The following WDPCP variants were observed in gnomAD, a reference collection of about 807,000 sequenced individuals.
WDPCP encodes the protein WD repeat containing planar cell polarity effector.
WDPCP carries 71 observed loss-of-function variants against 93.1 expected under a neutral mutation model. The ratio of observed to expected loss-of-function variants is 0.76; its 90% CI spans 0.63 to 0.93. WDPCP has a LOEUF of 0.93. WDPCP is among the 40% of genes least tolerant of loss of function. The pLI is 0.00. For missense variants in WDPCP, 844 were observed against 887.4 expected (o/e 0.95, Z 0.62); for synonymous variants, 315 against 315.0 (o/e 1.00, Z 0.00).
chr2:63,217,003 A>G (rs185815217), intron 14 of WDPCP, among the ~76,000 whole-genome samples: 7 of 152,170 alleles, frequency 4.6e-5, no homozygotes, highest in Non-Finnish European at 8.8e-5. Flanking sequence ...AACAAAATTT[A>G]AAAAAATACC....
upstream of WDPCP, chr2:63,593,566 T>G: frequency 2.1e-6 from 1 of 471,454 alleles, no homozygotes; most frequent in Non-Finnish European, 4.4e-6. Flanking sequence ...GAAGGAACTT[T>G]AAGTAAAAAG....
intron 2 of WDPCP, among the ~76,000 whole-genome samples, chr2:63,709,089 CG>C (rs1669220542): frequency 1.2e-5 from 1 of 84,276 alleles, no homozygotes; most frequent in African/African-American, 4.3e-5. Context: ...AAAAATGACC[CG>C]GGCTTGGTGA....
chr2:63,294,960 ATAGAG>A (rs980460980), intron 13 of WDPCP, among the ~76,000 whole-genome samples: 1 of 152,198 alleles, frequency 6.6e-6, no homozygotes, highest in Non-Finnish European at 1.5e-5. Context: ...AGTTTATGTT[ATAGAG>A]TAAACAACTT....
chr2:63,295,635 C>T (rs1485235865), intron 13 of WDPCP, among the ~76,000 whole-genome samples: 2 of 151,816 alleles, frequency 1.3e-5, no homozygotes, highest in Non-Finnish European at 2.9e-5. Flanking sequence ...TTACTATGAA[C>T]ATATATACAC....
chr2:63,387,006 C>A (rs1692788398), intron 10 of WDPCP, among the ~76,000 whole-genome samples: 1 of 151,908 alleles, frequency 6.6e-6, no homozygotes, highest in South Asian at 2.1e-4. Context: ...AAAAGCCTAC[C>A]ATCAGAAAAA....
intron 14 of WDPCP, among the ~76,000 whole-genome samples, chr2:63,198,366 T>C (rs576246512): frequency 6.6e-6 from 1 of 152,262 alleles, no homozygotes; most frequent in Admixed American, 6.5e-5. Context: ...ACTATTCTTT[T>C]GCAGGATATT....
chr2:63,647,338 T>C (rs1382350195), intron 3 of WDPCP, among the ~76,000 whole-genome samples: 1 of 152,006 alleles, frequency 6.6e-6, no homozygotes, highest in African/African-American at 2.4e-5. Context: ...GGGTTCATCA[T>C]TTGGCCAGGT....
intron 9 of WDPCP, among the ~76,000 whole-genome samples, chr2:63,427,310 C>A (rs1176243323): frequency 6.6e-6 from 1 of 152,148 alleles, no homozygotes; most frequent in Non-Finnish European, 1.5e-5. Flanking sequence ...ACAAGGGACA[C>A]ACTGAAAAAC....
chr2:63,462,437 A>G (rs1169928047), intron 6 of WDPCP, among the ~76,000 whole-genome samples: 1 of 152,214 alleles, frequency 6.6e-6, no homozygotes, highest in Non-Finnish European at 1.5e-5. Flanking sequence ...AACATGGCAC[A>G]TGTAATACAT....
At chr2:63,259,502 C>T in intron 13 of WDPCP, 93 bp from the exon 14 acceptor site, 6 of 999,954 alleles carry the variant, frequency 6.0e-6, no homozygotes, top group Non-Finnish European at 9.3e-6. Flanking sequence ...GTCCAGATTA[C>T]AAAATAGAAA....
intron 2 of WDPCP, among the ~76,000 whole-genome samples, chr2:63,696,299 A>G (rs919709485): frequency 4.6e-5 from 3 of 64,888 alleles, no homozygotes; most frequent in Non-Finnish European, 9.8e-5. Flanking sequence ...ATCCGTTGCT[A>G]ATACCCCAGC....
chr2:63,146,111 A>G (rs1195367633), intron 17 of WDPCP, among the ~76,000 whole-genome samples: 1 of 152,096 alleles, frequency 6.6e-6, no homozygotes, highest in East Asian at 1.9e-4. Flanking sequence ...CTGGGCTGAG[A>G]TTATGGGGTT....
At chr2:63,163,906 G>A (rs1281981445) in intron 15 of WDPCP, among the ~76,000 whole-genome samples, 1 of 152,116 alleles carries the variant, frequency 6.6e-6, no homozygotes, top group Admixed American at 6.5e-5. Flanking sequence ...GCTTAGACAT[G>A]AATCAAATAA....
intron 15 of WDPCP, among the ~76,000 whole-genome samples, chr2:63,163,574 T>C (rs1672774154): frequency 6.6e-6 from 1 of 152,218 alleles, no homozygotes; most frequent in Non-Finnish European, 1.5e-5. Flanking sequence ...CCTAGACATA[T>C]GCCATATGTT....
chr2:63,204,724 T>G (rs62177773), intron 14 of WDPCP, among the ~76,000 whole-genome samples: 54,784 of 152,066 alleles, frequency 0.36, 12,466 homozygotes, highest in Non-Finnish European at 0.5. Flanking sequence ...ACAGAGTTGT[T>G]TAAATTCCTT....
At chr2:63,569,424 T>C (rs1001214723) in intron 1 of WDPCP, among the ~76,000 whole-genome samples, 16 of 152,314 alleles carry the variant, frequency 1.1e-4, no homozygotes, top group South Asian at 1.0e-3. Flanking sequence ...TGGCCTTATA[T>C]ATGTTATGTG....
intron 1 of WDPCP, among the ~76,000 whole-genome samples, chr2:63,506,377 G>C (rs1175019223): frequency 6.6e-6 from 1 of 151,820 alleles, no homozygotes; most frequent in Non-Finnish European, 1.5e-5. Flanking sequence ...AAGAAAAGAT[G>C]GGGGATTGAG....
At chr2:63,810,365 C>T (rs10175674) in intron 2 of WDPCP, among the ~76,000 whole-genome samples, 106,853 of 152,118 alleles carry the variant, frequency 0.7, 37,841 homozygotes, top group East Asian at 0.9. Flanking sequence ...AAGATACAGG[C>T]ATATAAAAAG....
chr2:63,644,383 A>C (rs1250044290), intron 3 of WDPCP, among the ~76,000 whole-genome samples: 1 of 151,364 alleles, frequency 6.6e-6, no homozygotes, highest in African/African-American at 2.4e-5. Context: ...AGCTGGGATT[A>C]CAGGCACCTG....
Sources: gnomAD v4.1 joint callset for allele counts (sites outside exome capture counted in the v4.1 genomes callset) on GRCh38, gnomAD v4.1.1 for gene constraint, MANE v1.5 for transcripts, NCBI Gene and HGNC (gene_info 2026-07-23, HGNC 2026-07-21) for gene names.